The following SH3D19 variants were observed in gnomAD, a reference collection of about 807,000 sequenced individuals.
SH3D19 encodes the protein SH3 domain containing 19, also known as SH3 domain-containing protein 19.
In SH3D19, 58 loss-of-function variants were observed where a neutral mutation model predicts 112.1. The observed-to-expected ratio is 0.52, with a 90% CI of 0.42 to 0.64. The LOEUF is 0.64. Ranked by LOEUF, SH3D19 falls within the 30% of genes least tolerant of loss-of-function variation. SH3D19 has a pLI of 0.00. For synonymous variants in SH3D19, 391 were observed against 448.5 expected (o/e 0.87, Z 1.62); for missense variants, 1,090 against 1,263.4 (o/e 0.86, Z 2.08).
intron 1 of SH3D19, among the ~76,000 whole-genome samples, chr4:151,296,093 GA>G: frequency 6.6e-6 from 1 of 151,608 alleles, no homozygotes. Context: ...GAGTAATAGG[GA>G]AAAAAAGAGA....
chr4:151,136,964 TGTTAA>T (rs937053834), intron 14 of SH3D19, among the ~76,000 whole-genome samples: 3 of 152,224 alleles, frequency 2.0e-5, no homozygotes, highest in South Asian at 2.1e-4. Context: ...CCAAATAAGC[TGTTAA>T]TGCTGTTAAG....
intron 1 of SH3D19, among the ~76,000 whole-genome samples, chr4:151,297,391 C>A (rs766228718): frequency 6.6e-6 from 1 of 152,150 alleles, no homozygotes; most frequent in African/African-American, 2.4e-5. Flanking sequence ...CCCACATAGC[C>A]TTGTGCTATA....
At chr4:151,285,275 G>GAA (rs1363737780) in intron 1 of SH3D19, among the ~76,000 whole-genome samples, 1 of 152,108 alleles carries the variant, frequency 6.6e-6, no homozygotes, top group South Asian at 2.1e-4. Context: ...TTTAAAAACA[G>GAA]AAAGAGTCCT....
At chr4:151,267,228 A>G (rs1772867614) in intron 1 of SH3D19, among the ~76,000 whole-genome samples, 1 of 151,794 alleles carries the variant, frequency 6.6e-6, no homozygotes, top group South Asian at 2.1e-4. Context: ...CCAGCTACTC[A>G]TGAGGCTGAG....
At chr4:151,219,274 C>G (rs1216599998) in intron 2 of SH3D19, among the ~76,000 whole-genome samples, 1 of 152,110 alleles carries the variant, frequency 6.6e-6, no homozygotes, top group Non-Finnish European at 1.5e-5. Context: ...CAGCAAGAAT[C>G]CTATTAGGTC....
intron 1 of SH3D19, among the ~76,000 whole-genome samples, chr4:151,245,791 G>A (rs928031037): frequency 1.3e-5 from 2 of 152,066 alleles, no homozygotes; most frequent in Non-Finnish European, 2.9e-5. Context: ...TAGTAGAGAC[G>A]AGGTTTCACC....
intron 1 of SH3D19, among the ~76,000 whole-genome samples, chr4:151,256,438 A>G (rs539416738): frequency 6.1e-4 from 93 of 152,370 alleles, no homozygotes; most frequent in Non-Finnish European, 1.1e-3. Flanking sequence ...TTCAAGTTAC[A>G]TAACAATAAA....
At chr4:151,315,443 T>C (rs1339247801) in intron 1 of SH3D19, among the ~76,000 whole-genome samples, 1 of 152,216 alleles carries the variant, frequency 6.6e-6, no homozygotes, top group Non-Finnish European at 1.5e-5. Flanking sequence ...GACTCTAGTG[T>C]AAATGAGTCT....
chr4:151,277,270 A>G (rs371734127), intron 1 of SH3D19: 1 of 1,414,092 alleles, frequency 7.1e-7, no homozygotes, highest in Non-Finnish European at 9.5e-7. Context: ...GAGGATTTTT[A>G]CTAAAGAGGG....
chr4:151,145,269 T>C (rs1201359591), intron 11 of SH3D19, among the ~76,000 whole-genome samples: 1 of 152,224 alleles, frequency 6.6e-6, no homozygotes, highest in Non-Finnish European at 1.5e-5. Flanking sequence ...TGCTAAGAAC[T>C]GTCAGGCCTC....
At position 151,133,179 on chromosome 4, in the gene SH3D19, ACT is replaced by A; in HGVS notation, c.2542_2543del (p.Ser848PhefsTer10). On this transcript the variant is annotated frameshift_variant, in exon 16 of 20. Transcript: ENST00000604030. LOFTEE classifies it high-confidence loss of function. ...GAATAATAATTTCTCCCTCTGAGAA[ACT>A]CAACTCATCCTTCTGCTCTCCAATA... ...EYIGEQKDEL[S>X]FSEGEIIILK... is the part of the protein sequence containing the mutation. 1 of 1,613,996 alleles carries A rather than the reference ACT, an allele frequency of 6.2e-7. No homozygotes were observed.
intron 7 of SH3D19, among the ~76,000 whole-genome samples, chr4:151,170,263 T>G (rs1176404357): frequency 3.9e-5 from 6 of 152,156 alleles, no homozygotes; most frequent in Non-Finnish European, 8.8e-5. Context: ...ATTTTACTTT[T>G]CTAACAGAAA....
At chr4:151,321,595 G>C (rs147997710) in intron 1 of SH3D19, among the ~76,000 whole-genome samples, 283 of 152,110 alleles carry the variant, frequency 1.9e-3, no homozygotes, top group Non-Finnish European at 3.0e-3. Context: ...TTATCTCATG[G>C]GTTTTCATCT....
chr4:151,183,033 C>T (rs1374152098), intron 3 of SH3D19, among the ~76,000 whole-genome samples: 2 of 150,612 alleles, frequency 1.3e-5, no homozygotes, highest in Non-Finnish European at 3.0e-5. Context: ...TCTCTGTCGC[C>T]CAGGCTGGAG....
chr4:151,139,014 CG>C (rs1028477950), intron 13 of SH3D19, among the ~76,000 whole-genome samples: 1 of 151,916 alleles, frequency 6.6e-6, no homozygotes, highest in Non-Finnish European at 1.5e-5. Flanking sequence ...TTTATAGAGA[CG>C]GGGTTTCAAC....
chr4:151,122,761 A>G (rs540136258), intron 19 of SH3D19, among the ~76,000 whole-genome samples: 2 of 151,528 alleles, frequency 1.3e-5, no homozygotes, highest in South Asian at 2.1e-4. Context: ...GCCTTGTCTT[A>G]TTCTGTGTAC....
chr4:151,157,297 A>G (rs1414407849), intron 9 of SH3D19, among the ~76,000 whole-genome samples: 1 of 152,132 alleles, frequency 6.6e-6, no homozygotes, highest in Non-Finnish European at 1.5e-5. Flanking sequence ...GTATTTCTCA[A>G]AAGAAGACAC....
intron 7 of SH3D19, among the ~76,000 whole-genome samples, chr4:151,174,118 G>C (rs1432877873): frequency 6.6e-6 from 1 of 152,168 alleles, no homozygotes; most frequent in Non-Finnish European, 1.5e-5. Context: ...GCAACATGTG[G>C]CTGGGTCCTC....
intron 1 of SH3D19, among the ~76,000 whole-genome samples, chr4:151,309,333 T>TACTTAGAC (rs1729218344): frequency 1.3e-5 from 2 of 152,218 alleles, no homozygotes. Context: ...ATGTGGAGCC[T>TACTTAGAC]ACTTAGACTA....
Sources: gnomAD v4.1 joint callset for allele counts (sites outside exome capture counted in the v4.1 genomes callset) on GRCh38, gnomAD v4.1.1 for gene constraint, MANE v1.5 for transcripts, NCBI Gene and HGNC (gene_info 2026-07-23, HGNC 2026-07-21) for gene names.